CRK: variants seen among roughly 807,000 people sequenced by gnomAD.
The protein encoded by CRK is CRK proto-oncogene, adaptor protein, also known as adapter molecule crk.
Under a neutral mutation model 29.8 loss-of-function variants are expected in CRK, and 4 were observed. The observed-to-expected ratio is 0.13, with a 90% CI of 0.07 to 0.31. The LOEUF is 0.31. Ranked by LOEUF, CRK falls within the 10% of genes least tolerant of loss-of-function variation. CRK has a pLI of 1.00. For missense variants in CRK, 274 were observed against 396.5 expected (o/e 0.69, Z 2.62); for synonymous variants, 153 against 164.9 (o/e 0.93, Z 0.55).
At chr17:1,429,047 C>T (rs1212917479) in intron 2 of CRK, among the ~76,000 whole-genome samples, 1 of 151,958 alleles carries the variant, frequency 6.6e-6, no homozygotes, top group African/African-American at 2.4e-5. Context: ...GGGGTTTCAC[C>T]ATGTTGGCCA....
intron 1 of CRK, among the ~76,000 whole-genome samples, chr17:1,450,817 T>C (rs1455147320): frequency 3.4e-5 from 5 of 148,040 alleles, no homozygotes; most frequent in African/African-American, 1.3e-4. Context: ...ACCCAGGAGG[T>C]GGAGGGTACA....
rs181367214 is a variant in CRK, at chr17:1,423,457, T to A, written c.*56A>T. ...TGTAAGAAAATTGTATAGATGGCAG[T>A]TGGAAAAAAAAAAAAAAGATTGTTC... On this transcript the variant is annotated 3_prime_UTR_variant, in exon 3 of 3. Coordinates refer to ENST00000300574, the MANE Select transcript of CRK (RefSeq NM_016823.4). The A allele has an allele frequency of 1.3e-6, 2 of 1,554,230 alleles. No homozygotes were observed. The highest frequency in any genetic ancestry group is 3.9e-5 in the Admixed American group (2 of 51,714).
Position 1,421,145 on chromosome 17 carries a change from C to T in CRK, c.*2368G>A, listed in dbSNP as rs999371762. The T allele has an allele frequency of 4.6e-5, 7 of 152,188 alleles. No individual in the cohort carries two copies. Among genetic ancestry groups the T allele is most frequent in the African/African-American group, 1.7e-4 (7 of 41,438 alleles). 9.4% of individuals were successfully genotyped at this position (152,188 alleles called of 1,614,324 possible). A position where few individuals can be genotyped will look rare whatever the true frequency, so the allele number is the denominator to read the frequency against. ...TTCTTGAGGGGCATTAACTGCCACA[C>T]TCAACAGTCAAATCCAGCCCAGTGG... On this transcript the variant is annotated 3_prime_UTR_variant, in exon 3 of 3. Transcript: ENST00000300574.
At chr17:1,446,281 T>G (rs753462040) in intron 1 of CRK, among the ~76,000 whole-genome samples, 1 of 152,016 alleles carries the variant, frequency 6.6e-6, no homozygotes, top group Non-Finnish European at 1.5e-5. Context: ...CTAAAGACAG[T>G]TGGAATAACG....
intron 1 of CRK, among the ~76,000 whole-genome samples, chr17:1,441,027 C>T (rs569336092): frequency 3.1e-4 from 47 of 152,354 alleles, no homozygotes; most frequent in Middle Eastern, 3.4e-3. Context: ...CCTCTACCTC[C>T]CAGGCTGAAG....
chr17:1,446,755 G>GT (rs1046658082), intron 1 of CRK, among the ~76,000 whole-genome samples: 40 of 150,290 alleles, frequency 2.7e-4, no homozygotes, highest in Admixed American at 7.3e-4. Flanking sequence ...CCACGCCCGG[G>GT]TTTTTTTTTC....
At chr17:1,448,164 C>T (rs928123946) in intron 1 of CRK, among the ~76,000 whole-genome samples, 12 of 151,686 alleles carry the variant, frequency 7.9e-5, no homozygotes, top group Admixed American at 3.9e-4. Flanking sequence ...ATATGGTCTC[C>T]TAAGCAAATA....
At chr17:1,447,056 C>G (rs767452659) in intron 1 of CRK, among the ~76,000 whole-genome samples, 1 of 152,130 alleles carries the variant, frequency 6.6e-6, no homozygotes, top group African/African-American at 2.4e-5. Flanking sequence ...GGCCATCAAG[C>G]TTCATTGATC....
intron 2 of CRK, 152 bp downstream of exon 2, chr17:1,436,468 G>A (rs1431057815): frequency 3.8e-6 from 3 of 779,676 alleles, no homozygotes; most frequent in Non-Finnish European, 3.8e-6. Context: ...ATGAAGAAGA[G>A]AAAACCCAAC....
chr17:1,442,984 C>CT (rs34493870), intron 1 of CRK, among the ~76,000 whole-genome samples: 40 of 140,100 alleles, frequency 2.9e-4, no homozygotes, highest in East Asian at 6.3e-4. Context: ...CCCTTTCTTT[C>CT]TTTTTTTTTT....
At chr17:1,444,349 G>GT (rs1216800450) in intron 1 of CRK, among the ~76,000 whole-genome samples, 4 of 152,166 alleles carry the variant, frequency 2.6e-5, no homozygotes, top group African/African-American at 7.2e-5. Flanking sequence ...CTAACACACA[G>GT]TAAGAACCCA....
At chr17:1,436,012 C>T (rs181370781) in intron 2 of CRK, among the ~76,000 whole-genome samples, 1 of 152,196 alleles carries the variant, frequency 6.6e-6, no homozygotes, top group Admixed American at 6.5e-5. Context: ...TCAGTAAAGG[C>T]AAAAATTAAT....
intron 2 of CRK, among the ~76,000 whole-genome samples, chr17:1,432,594 G>A (rs747849632): frequency 9.9e-5 from 15 of 150,864 alleles, no homozygotes; most frequent in Non-Finnish European, 2.1e-4. Flanking sequence ...TGGCTAACAC[G>A]GTGAAACCTC....
At chr17:1,446,704 G>A (rs1202628266) in intron 1 of CRK, among the ~76,000 whole-genome samples, 3 of 148,766 alleles carry the variant, frequency 2.0e-5, no homozygotes, top group African/African-American at 5.0e-5. Flanking sequence ...CCATTCTCCT[G>A]CCTCAGCCTC....
intron 1 of CRK, among the ~76,000 whole-genome samples, chr17:1,439,552 T>C (rs983448069): frequency 1.5e-4 from 23 of 152,118 alleles, no homozygotes; most frequent in Admixed American, 4.6e-4. Context: ...ACATTCTCCA[T>C]AGAGAATGAG....
chr17:1,450,235 G>A (rs757647621), intron 1 of CRK, among the ~76,000 whole-genome samples: 1 of 151,908 alleles, frequency 6.6e-6, no homozygotes, highest in Non-Finnish European at 1.5e-5. Context: ...AAAATAAGGC[G>A]CGGTGGCTCA....
intron 1 of CRK, among the ~76,000 whole-genome samples, chr17:1,451,292 A>C (rs1382859643): frequency 6.6e-6 from 1 of 150,630 alleles, no homozygotes; most frequent in East Asian, 2.0e-4. Flanking sequence ...AGCCAGTGGC[A>C]CGATCTCAGC....
At chr17:1,442,788 G>A (rs567018277) in intron 1 of CRK, among the ~76,000 whole-genome samples, 1 of 151,324 alleles carries the variant, frequency 6.6e-6, no homozygotes, top group Non-Finnish European at 1.5e-5. Flanking sequence ...TGTAATTTCA[G>A]TAGAGACACA....
intron 2 of CRK, among the ~76,000 whole-genome samples, 176 bp downstream of exon 2, chr17:1,436,444 C>T (rs1235033079): frequency 6.6e-6 from 1 of 152,118 alleles, no homozygotes; most frequent in East Asian, 1.9e-4. Flanking sequence ...TACTCATTCC[C>T]AAACAGGTTT....
Sources: allele counts gnomAD v4.1 joint callset (sites outside exome capture counted in the v4.1 genomes callset), GRCh38; gene constraint gnomAD v4.1.1; transcripts MANE v1.5; gene names NCBI Gene and HGNC (gene_info 2026-07-23, HGNC 2026-07-21).